STMN2: variants seen among roughly 807,000 people sequenced by gnomAD.
STMN2 encodes stathmin-2.
Under a neutral mutation model 24.1 loss-of-function variants are expected in STMN2, and 2 were observed. The ratio of observed to expected loss-of-function variants is 0.08; its 90% confidence interval spans 0.03 to 0.26. The LOEUF is 0.26. Among genes scored for constraint, STMN2 ranks in the 10% least tolerant of loss-of-function variants. STMN2 has a pLI of 1.00. For missense variants in STMN2, 114 were observed against 213.6 expected (o/e 0.53, Z 2.91); for synonymous variants, 83 against 77.5 (o/e 1.07, Z -0.37).
intron 1 of STMN2, among the ~76,000 whole-genome samples, chr8:79,623,898 G>T (rs1472296113): frequency 6.6e-6 from 1 of 152,086 alleles, no homozygotes; most frequent in Non-Finnish European, 1.5e-5. Flanking sequence ...TTTAAAAAAG[G>T]TTTTGTGTCT....
chr8:79,632,437 C>G (rs973940225), intron 1 of STMN2, among the ~76,000 whole-genome samples: 1 of 152,110 alleles, frequency 6.6e-6, no homozygotes, highest in African/African-American at 2.4e-5. Flanking sequence ...TCCCGCTAGA[C>G]TAATATGATT....
At chr8:79,611,353 C>A (rs1809215488) in intron 1 of STMN2, 139 bp downstream of exon 1, 1 of 1,166,866 alleles carries the variant, frequency 8.6e-7, no homozygotes, top group African/African-American at 1.5e-5. Context: ...AAGGACAGGG[C>A]AGTTCTGGGG....
chr8:79,662,275 T>G (rs1806518952), intron 4 of STMN2, among the ~76,000 whole-genome samples: 1 of 152,098 alleles, frequency 6.6e-6, no homozygotes, highest in Non-Finnish European at 1.5e-5. Context: ...GAAAACATTG[T>G]AAATTTAGAT....
intron 1 of STMN2, among the ~76,000 whole-genome samples, chr8:79,634,440 T>C (rs1397538913): frequency 6.6e-6 from 1 of 152,202 alleles, no homozygotes; most frequent in Non-Finnish European, 1.5e-5. Flanking sequence ...TATTGCTTAT[T>C]TTAAGAAAAT....
intron 4 of STMN2, among the ~76,000 whole-genome samples, chr8:79,655,675 C>CAGG (rs2130387047): frequency 6.6e-6 from 1 of 152,208 alleles, no homozygotes; most frequent in African/African-American, 2.4e-5. Flanking sequence ...TCCCATGAGT[C>CAGG]AGGAGGAGCT....
At chr8:79,625,932 C>G (rs970152071) in intron 1 of STMN2, among the ~76,000 whole-genome samples, 5 of 152,080 alleles carry the variant, frequency 3.3e-5, no homozygotes, top group Admixed American at 2.0e-4. Flanking sequence ...GCACTCCAGC[C>G]TGGGCAACAA....
At chr8:79,650,779 A>G (rs931705132) in intron 3 of STMN2, among the ~76,000 whole-genome samples, 1 of 152,118 alleles carries the variant, frequency 6.6e-6, no homozygotes, top group Admixed American at 6.6e-5. Context: ...AATTTGTTCA[A>G]AAATTGACTG....
intron 1 of STMN2, among the ~76,000 whole-genome samples, chr8:79,623,126 A>G (rs1809557625): frequency 6.6e-6 from 1 of 152,220 alleles, no homozygotes; most frequent in Non-Finnish European, 1.5e-5. Flanking sequence ...GATAAGCACG[A>G]CAAAGACACT....
At chr8:79,662,789 T>C (rs1806528370) in intron 4 of STMN2, among the ~76,000 whole-genome samples, 2 of 152,140 alleles carry the variant, frequency 1.3e-5, no homozygotes, top group African/African-American at 4.8e-5. Context: ...TGCTATGTTA[T>C]CAGTTTGAAT....
chr8:79,659,872 G>A (rs200127642), intron 4 of STMN2, among the ~76,000 whole-genome samples: 23,642 of 151,994 alleles, frequency 0.16, 2,150 homozygotes, highest in Non-Finnish European at 0.21. Flanking sequence ...TCTCCAAAAA[G>A]CCTGGATATA....
At chr8:79,651,241 T>C (rs1810328827) in intron 3 of STMN2, among the ~76,000 whole-genome samples, 1 of 152,210 alleles carries the variant, frequency 6.6e-6, no homozygotes, top group South Asian at 2.1e-4. Flanking sequence ...CAGACTCACG[T>C]GACCACACTC....
chr8:79,618,893 T>C (rs1809446746), intron 1 of STMN2, among the ~76,000 whole-genome samples: 1 of 152,184 alleles, frequency 6.6e-6, no homozygotes. Flanking sequence ...ATAACAAAAA[T>C]ATTTTAAGTT....
intron 3 of STMN2, among the ~76,000 whole-genome samples, chr8:79,642,271 A>G (rs1429077606): frequency 3.9e-5 from 6 of 152,276 alleles, no homozygotes; most frequent in African/African-American, 9.6e-5. Flanking sequence ...CCATAATCAC[A>G]TGGCTAAGAA....
At chr8:79,658,820 T>C (rs1296384504) in intron 4 of STMN2, among the ~76,000 whole-genome samples, 1 of 152,210 alleles carries the variant, frequency 6.6e-6, no homozygotes, top group Non-Finnish European at 1.5e-5. Flanking sequence ...GCCCCAGCCA[T>C]GTTAGCTCAA....
chr8:79,626,916 A>C (rs190649066), intron 1 of STMN2, among the ~76,000 whole-genome samples: 153 of 152,330 alleles, frequency 1.0e-3, no homozygotes, highest in Middle Eastern at 6.8e-3. Context: ...TGAAAAACAC[A>C]AAAAGAAAGA....
At chr8:79,634,557 T>C (rs1809894774) in intron 1 of STMN2, among the ~76,000 whole-genome samples, 1 of 152,206 alleles carries the variant, frequency 6.6e-6, no homozygotes, top group Non-Finnish European at 1.5e-5. Flanking sequence ...TTGAACCTCA[T>C]CCTAAAATTG....
chr8:79,614,809 T>TA (rs1809345585), intron 1 of STMN2, among the ~76,000 whole-genome samples: 1 of 152,266 alleles, frequency 6.6e-6, no homozygotes, highest in South Asian at 2.1e-4. Context: ...TTAATATTTT[T>TA]AGCAAACTTT....
chr8:79,657,243 A>G (rs1348811060), intron 4 of STMN2, among the ~76,000 whole-genome samples: 1 of 152,138 alleles, frequency 6.6e-6, no homozygotes, highest in East Asian at 1.9e-4. Context: ...TAATATTTCC[A>G]GAAGTGCTAG....
chr8:79,653,714 G>A (rs1174652465), intron 3 of STMN2, among the ~76,000 whole-genome samples: 2 of 152,170 alleles, frequency 1.3e-5, no homozygotes, highest in Admixed American at 1.3e-4. Context: ...AGGGCACTTA[G>A]GATTATTTTT....
Sources: allele counts gnomAD v4.1 joint callset (sites outside exome capture counted in the v4.1 genomes callset), GRCh38; gene constraint gnomAD v4.1.1; transcripts MANE v1.5; gene names NCBI Gene and HGNC (gene_info 2026-07-23, HGNC 2026-07-21).